EDIL3: variants seen among roughly 807,000 people sequenced by gnomAD.
EDIL3 encodes the protein EGF like and discoidin domains 3, also known as EGF-like repeat and discoidin I-like domain-containing protein 3.
A neutral mutation model predicts 67.4 loss-of-function variants in EDIL3; 37 were observed. The observed-to-expected ratio is 0.55, with a 90% CI of 0.42 to 0.72. EDIL3 has a LOEUF of 0.72. Among genes scored for constraint, EDIL3 ranks in the 30% least tolerant of loss-of-function variants. The probability of loss-of-function intolerance (pLI) is 0.00; values close to 1 mark genes in which losing one functional copy is unlikely to be tolerated. For missense variants in EDIL3, 527 were observed against 586.3 expected (o/e 0.90, Z 1.04); for synonymous variants, 195 against 196.3 (o/e 0.99, Z 0.05).
intron 2 of EDIL3, among the ~76,000 whole-genome samples, chr5:84,235,900 T>C (rs1744672869): frequency 6.6e-6 from 1 of 152,022 alleles, no homozygotes; most frequent in South Asian, 2.1e-4. Flanking sequence ...TAAAGACCAT[T>C]AGATTATCTC....
intron 6 of EDIL3, among the ~76,000 whole-genome samples, chr5:84,104,237 G>C (rs140815620): frequency 1.3e-5 from 2 of 151,904 alleles, no homozygotes; most frequent in Non-Finnish European, 2.9e-5. Context: ...TGAGGGTGAA[G>C]GATGGGAGGA....
chr5:84,031,155 A>G (rs1262788147), intron 9 of EDIL3, among the ~76,000 whole-genome samples: 1 of 152,102 alleles, frequency 6.6e-6, no homozygotes, highest in Non-Finnish European at 1.5e-5. Flanking sequence ...TACCCCAATT[A>G]CCTATTTAAA....
chr5:83,977,369 T>C (rs1177098928), intron 9 of EDIL3, among the ~76,000 whole-genome samples: 1 of 151,886 alleles, frequency 6.6e-6, no homozygotes, highest in Non-Finnish European at 1.5e-5. Context: ...TAAAGACTTC[T>C]ACATCATTGT....
At chr5:84,361,630 G>C (rs1030483544) in intron 1 of EDIL3, among the ~76,000 whole-genome samples, 1 of 151,142 alleles carries the variant, frequency 6.6e-6, no homozygotes, top group Non-Finnish European at 1.5e-5. Context: ...ATTTTAGTTT[G>C]TAAATGTCAT....
intron 4 of EDIL3, among the ~76,000 whole-genome samples, chr5:84,176,201 AT>A (rs1423916952): frequency 0.014 from 127 of 9,164 alleles, 1 homozygote; most frequent in Middle Eastern, 0.17. Flanking sequence ...TATATATAAT[AT>A]ATATATATAT....
chr5:84,056,683 T>G (rs1034045908), intron 9 of EDIL3, among the ~76,000 whole-genome samples: 5 of 152,010 alleles, frequency 3.3e-5, no homozygotes, highest in Non-Finnish European at 7.4e-5. Context: ...TTAGCTGGTA[T>G]ATAAAAGACA....
At chr5:84,030,577 A>G (rs1041855989) in intron 9 of EDIL3, among the ~76,000 whole-genome samples, 4 of 152,238 alleles carry the variant, frequency 2.6e-5, no homozygotes, top group Non-Finnish European at 4.4e-5. Context: ...ATAATATAGA[A>G]GAATTTCAAA....
intron 5 of EDIL3, among the ~76,000 whole-genome samples, chr5:84,132,567 A>T (rs1249153532): frequency 3.3e-5 from 3 of 90,274 alleles, no homozygotes; most frequent in East Asian, 2.9e-4. Flanking sequence ...ATATATTTTT[A>T]ATATATAATA....
At chr5:84,255,856 G>A (rs894163891) in intron 1 of EDIL3, among the ~76,000 whole-genome samples, 4 of 152,136 alleles carry the variant, frequency 2.6e-5, no homozygotes, top group Admixed American at 6.5e-5. Context: ...AGAATTTAGC[G>A]TGGCTGGACC....
At chr5:84,009,589 T>A (rs1580277458) in intron 9 of EDIL3, among the ~76,000 whole-genome samples, 1 of 152,210 alleles carries the variant, frequency 6.6e-6, no homozygotes, top group Admixed American at 6.5e-5. Flanking sequence ...TAGATTAATG[T>A]TTAATTTAAT....
chr5:84,320,117 T>C (rs1428682943), intron 1 of EDIL3, among the ~76,000 whole-genome samples: 1 of 152,042 alleles, frequency 6.6e-6, no homozygotes, highest in East Asian at 1.9e-4. Flanking sequence ...AACCTGCACA[T>C]TGTGCAAATG....
rs529547801 is a variant in EDIL3, at chr5:84,098,172, T to C, written c.651+8477A>G. 3.9e-5 allele frequency among the ~76,000 whole-genome samples: 6 copies of C among 152,066 alleles called. No individual in the cohort carries two copies. The South Asian group carries it at 1.2e-3, about 32-fold the overall frequency. ...CCAGAACCAGTTATGAGCATTGTGG[T>C]ACTATTAATAATTGCATGCTGAACA... On this transcript the variant is annotated intron_variant, in intron 6 of 10. Transcript: ENST00000296591.
At chr5:84,117,578 A>G (rs1215211816) in intron 5 of EDIL3, among the ~76,000 whole-genome samples, 1 of 152,054 alleles carries the variant, frequency 6.6e-6, no homozygotes, top group Admixed American at 6.5e-5. Flanking sequence ...CTTCTTATAA[A>G]CATATTAAAA....
intron 9 of EDIL3, among the ~76,000 whole-genome samples, chr5:84,052,562 C>A (rs1386443294): frequency 6.6e-6 from 1 of 152,024 alleles, no homozygotes; most frequent in Admixed American, 6.6e-5. Context: ...TTCAGGAAAC[C>A]CATCTCACGT....
At chr5:84,314,262 C>G (rs530807855) in intron 1 of EDIL3, among the ~76,000 whole-genome samples, 2 of 151,962 alleles carry the variant, frequency 1.3e-5, no homozygotes, top group Non-Finnish European at 2.9e-5. Flanking sequence ...GGAGGCAGTC[C>G]GTACTATGAC....
chr5:84,372,449 T>C (rs77659110), intron 1 of EDIL3, among the ~76,000 whole-genome samples: 5 of 152,214 alleles, frequency 3.3e-5, no homozygotes, highest in African/African-American at 1.2e-4. Context: ...GACCCATGGA[T>C]GGGCAAGAAT....
chr5:84,068,619 C>A (rs537770390), intron 6 of EDIL3, among the ~76,000 whole-genome samples: 1 of 152,118 alleles, frequency 6.6e-6, no homozygotes, highest in Non-Finnish European at 1.5e-5. Context: ...TTAAGCATCA[C>A]CCAGTTTGGG....
intron 9 of EDIL3, among the ~76,000 whole-genome samples, chr5:84,007,698 C>T (rs1241327929): frequency 6.6e-6 from 1 of 152,080 alleles, no homozygotes; most frequent in Non-Finnish European, 1.5e-5. Context: ...TTAGTACAGC[C>T]ACTTTGGAGA....
intron 9 of EDIL3, among the ~76,000 whole-genome samples, chr5:84,024,303 T>C (rs554124359): frequency 2.0e-5 from 3 of 152,172 alleles, no homozygotes; most frequent in Admixed American, 6.6e-5. Context: ...ATAGCCTATC[T>C]TAAAATCAAA....
Sources: allele counts gnomAD v4.1 joint callset (sites outside exome capture counted in the v4.1 genomes callset), GRCh38; gene constraint gnomAD v4.1.1; transcripts MANE v1.5; gene names NCBI Gene and HGNC (gene_info 2026-07-23, HGNC 2026-07-21).